Variants in GABPB2 observed in about 807,000 individuals in gnomAD.
GABPB2 encodes GA-binding protein subunit beta-2.
In GABPB2, 23 loss-of-function variants were observed where a neutral mutation model predicts 39.1. The observed-to-expected ratio is 0.59, with a 90% CI of 0.42 to 0.83. GABPB2 has a LOEUF of 0.83. GABPB2 is among the 40% of genes least tolerant of loss of function. GABPB2 has a pLI of 0.00. For missense variants in GABPB2, 467 were observed against 541.1 expected, an observed-to-expected ratio of 0.86 and a Z score of 1.36; for synonymous variants, 184 against 199.3, an observed-to-expected ratio of 0.92 and a Z score of 0.65.
At chr1:151,106,907 C>T (rs1364170257) in intron 6 of GABPB2, 130 bp from the exon 7 acceptor site, 2 of 557,970 alleles carry the variant, frequency 3.6e-6, no homozygotes, top group African/African-American at 3.9e-5. Flanking sequence ...CTTTTGCGAA[C>T]TGTTGAATCT....
intron 7 of GABPB2, among the ~76,000 whole-genome samples, chr1:151,109,364 A>ATAT (rs779537595): frequency 7.1e-5 from 8 of 112,392 alleles, no homozygotes; most frequent in African/African-American, 1.4e-4. Flanking sequence ...ATATATATAT[A>ATAT]TTTTTTTTTT....
intron 1 of GABPB2, among the ~76,000 whole-genome samples, chr1:151,083,853 G>T (rs1000673480): frequency 2.7e-5 from 4 of 150,212 alleles, no homozygotes; most frequent in Non-Finnish European, 4.4e-5. Flanking sequence ...GCAGTTCTCT[G>T]CCTCAGCCTC....
chr1:151,097,329 G>C (rs1679167619), intron 4 of GABPB2, among the ~76,000 whole-genome samples: 1 of 152,120 alleles, frequency 6.6e-6, no homozygotes. Flanking sequence ...GCTTTGGAAA[G>C]CAACCTAACA....
chr1:151,088,314 G>A lies in GABPB2; in HGVS notation c.108+17G>A. 1.3e-6 allele frequency: 2 copies of A among 1,586,732 alleles called. No homozygotes were observed. Among genetic ancestry groups the A allele is most frequent in the Non-Finnish European group, 1.7e-6 (2 of 1,159,542 alleles). On this transcript the variant is annotated intron_variant, in intron 2 of 8. Coordinates refer to ENST00000368918, the MANE Select transcript of GABPB2 (RefSeq NM_144618.3). ...ACAGACTGGGTAAGCTTAGAGGAGA[G>A]GTCTCTTAATTATTTCCAATGTATG...
intron 7 of GABPB2, among the ~76,000 whole-genome samples, chr1:151,114,023 A>T (rs1571992364): frequency 6.6e-6 from 1 of 152,112 alleles, no homozygotes; most frequent in East Asian, 1.9e-4. Flanking sequence ...AGTGAAGGAC[A>T]TTTAAGCTGC....
intron 1 of GABPB2, among the ~76,000 whole-genome samples, chr1:151,081,578 A>G (rs768743892): frequency 6.6e-6 from 1 of 151,902 alleles, no homozygotes; most frequent in Admixed American, 6.6e-5. Context: ...TGTTTTATAT[A>G]TTTTTTCAAC....
intron 1 of GABPB2, among the ~76,000 whole-genome samples, chr1:151,071,272 C>T (rs1676689167): frequency 1.3e-5 from 2 of 152,072 alleles, no homozygotes; most frequent in Admixed American, 6.6e-5. Context: ...CTGAGTTTGG[C>T]CCCCTGCCCC....
Position 151,088,227 on chromosome 1 carries a change from C to G in GABPB2, c.38C>G (p.Ala13Gly), listed in dbSNP as rs1458782677. 3 of 1,614,042 alleles carry G rather than the reference C, an allele frequency of 1.9e-6. No individual in the cohort carries two copies. The South Asian group carries it at 3.3e-5, about 18-fold the overall frequency. Residue 13 changes from alanine to glycine, a missense_variant, in exon 2 of 9, where the codon GCA (alanine) becomes GGA (glycine). Coordinates refer to ENST00000368918, the MANE Select transcript of GABPB2 (RefSeq NM_144618.3). ...GACTTGGGAAAGAGGTTGCTAGAAG[C>G]AGCAAGAAAAGGCCAAGATGATGAA... is the stretch of plus-strand genomic sequence containing the variant. ...LVDLGKRLLE[A>G]ARKGQDDEVR...
At chr1:151,117,864 G>A (rs952768058) in intron 8 of GABPB2, 93 bp from the exon 9 acceptor site, 4 of 1,230,370 alleles carry the variant, frequency 3.3e-6, no homozygotes, top group Non-Finnish European at 4.6e-6. Context: ...GATTATAGGT[G>A]TGAGGCACCG....
At chr1:151,103,044 C>CTT (rs376522230) in intron 5 of GABPB2, among the ~76,000 whole-genome samples, 2,221 of 88,010 alleles carry the variant, frequency 0.025, 73 homozygotes, top group African/African-American at 0.027. Context: ...ACAAAGTATA[C>CTT]TTTTTTTTTT....
intron 7 of GABPB2, among the ~76,000 whole-genome samples, chr1:151,114,549 T>G (rs936263559): frequency 6.6e-6 from 1 of 151,786 alleles, no homozygotes; most frequent in African/African-American, 2.4e-5. Flanking sequence ...AATACAAAAA[T>G]TATCTGGGTG....
At chr1:151,084,467 C>G (rs1397678082) in intron 1 of GABPB2, among the ~76,000 whole-genome samples, 1 of 151,000 alleles carries the variant, frequency 6.6e-6, no homozygotes, top group Non-Finnish European at 1.5e-5. Flanking sequence ...GTCAGATGAT[C>G]AGCCCGCCTT....
intron 7 of GABPB2, among the ~76,000 whole-genome samples, chr1:151,109,429 G>A (rs1450368196): frequency 4.1e-5 from 6 of 148,020 alleles, no homozygotes; most frequent in African/African-American, 1.5e-4. Context: ...CACAATCTCG[G>A]CTCACTGCAA....
rs936412187 is a variant in GABPB2 at position 151,096,414 on chromosome 1, C to CA, written c.472-1429dup. 2.4e-4 allele frequency among the ~76,000 whole-genome samples: 35 copies of CA among 148,510 alleles called. No individual in the cohort carries two copies. The East Asian group carries it at 4.9e-3, about 21-fold the overall frequency. ...TGGGCGACAGAGTGGGACTCCGTCT[C>CA]AAAAAAAAATAAAAAGAGAGAGAGA... is the stretch of plus-strand genomic sequence containing the variant. On this transcript the variant is annotated intron_variant, in intron 4 of 8. Transcript: ENST00000368918.
At position 151,090,530 on chromosome 1, in the gene GABPB2, C is replaced by T. The variant is rs1338600371; in HGVS notation, c.233C>T (p.Ala78Val). ...GTAGACAGGACCCCCTTGCACATGG[C>T]TGCAGCCGATGGACATGCGCACATC... ...TKVDRTPLHM[A>V]AADGHAHIVE... Residue 78 changes from alanine to valine, a missense_variant, in exon 3 of 9, where the codon GCT becomes GTT. Ala to Val is a moderately conservative substitution (Grantham distance 64). Transcript: ENST00000368918. 1 of 1,614,076 alleles carries T rather than the reference C, an allele frequency of 6.2e-7. No homozygotes were observed. Among genetic ancestry groups the T allele is most frequent in the Non-Finnish European group, 8.5e-7 (1 of 1,179,992 alleles).
intron 1 of GABPB2, among the ~76,000 whole-genome samples, chr1:151,077,628 G>A (rs952078545): frequency 2.6e-5 from 4 of 151,646 alleles, no homozygotes; most frequent in African/African-American, 9.7e-5. Flanking sequence ...GGTATTTGAG[G>A]GTATAAACCC....
rs587644636 is a variant in GABPB2, at chr1:151,112,679, C to A, written c.923-4713C>A. 253 of 209,504 alleles carry A rather than the reference C, an allele frequency of 1.2e-3. 2 individuals carry two copies. Among genetic ancestry groups the A allele is most frequent in the Middle Eastern group, 4.7e-3 (2 of 428 alleles). The allele number at this position is 209,504 out of a possible 1,614,324, so 13.0% of individuals were successfully genotyped here. ...TGAGCAGACATGACAAGAGCAAGAA[C>A]CCTGGCCAAATTTTTGTGGGTGGCT... On this transcript the variant is annotated intron_variant, in intron 7 of 8. Coordinates refer to ENST00000368918, the MANE Select transcript of GABPB2 (RefSeq NM_144618.3).
chr1:151,097,984 A>G lies in GABPB2; in HGVS notation c.604A>G (p.Asn202Asp), dbSNP rs1296080381. The change falls in exon 5 of 9, where the codon AAC becomes GAC. Residue 202 changes from asparagine to aspartate, a missense_variant. Asn to Asp is a conservative substitution (Grantham distance 23). Transcript: ENST00000368918. ...VNLASLISST[N>D]TKTTSGDPHA... ...CCTCGCAAGCCTTATTTCTTCAACCAACACCAAAACAACCTCAGGTAATGT... is the reference window on the plus strand; with the variant it reads ...CCTCGCAAGCCTTATTTCTTCAACCGACACCAAAACAACCTCAGGTAATGT... 2 of 1,613,912 alleles carry G rather than the reference A, an allele frequency of 1.2e-6. No homozygotes were observed. Among genetic ancestry groups the G allele is most frequent in the Admixed American group, 1.7e-5 (1 of 59,946 alleles).
chr1:151,106,949 A>T, intron 6 of GABPB2, 88 bp from the exon 7 acceptor site: 1 of 801,818 alleles, frequency 1.2e-6, no homozygotes, highest in Non-Finnish European at 1.9e-6. Context: ...CCTCTCCCTG[A>T]ATGTTGTCAG....
Sources: gnomAD v4.1 joint callset for allele counts (sites outside exome capture counted in the v4.1 genomes callset) on GRCh38, gnomAD v4.1.1 for gene constraint, MANE v1.5 for transcripts, NCBI Gene and HGNC (gene_info 2026-07-23, HGNC 2026-07-21) for gene names.